The following LRRC69 variants were observed in gnomAD, a reference collection of about 807,000 sequenced individuals.
LRRC69 encodes leucine rich repeat containing 69.
A neutral mutation model predicts 37.8 loss-of-function variants in LRRC69; 42 were observed. The ratio of observed to expected loss-of-function variants is 1.11; its 90% confidence interval spans 0.87 to 1.44. LRRC69 has a LOEUF of 1.44. Among genes scored for constraint, LRRC69 ranks in the 40% most tolerant of loss-of-function variants. LRRC69 has a pLI of 0.00. For synonymous variants in LRRC69, 141 were observed against 143.1 expected (o/e 0.99, Z 0.11); for missense variants, 357 against 401.9 (o/e 0.89, Z 0.96).
chr8:91,148,696 C>G (rs1265529964), intron 5 of LRRC69, among the ~76,000 whole-genome samples: 2 of 151,976 alleles, frequency 1.3e-5, no homozygotes, highest in South Asian at 4.1e-4. Context: ...TACAGTCCCA[C>G]CAACAGTGTA....
chr8:91,166,994 G>A (rs1809041837), intron 5 of LRRC69, among the ~76,000 whole-genome samples: 1 of 151,666 alleles, frequency 6.6e-6, no homozygotes. Context: ...ACAGTTTTTA[G>A]TTACAGTTTT....
intron 5 of LRRC69, among the ~76,000 whole-genome samples, chr8:91,156,827 CT>C (rs1297733986): frequency 2.0e-5 from 3 of 150,890 alleles, no homozygotes; most frequent in Non-Finnish European, 4.4e-5. Flanking sequence ...TAGTTTCAAT[CT>C]TCTGTGTATG....
At chr8:91,135,508 T>TG (rs973056693) in intron 4 of LRRC69, among the ~76,000 whole-genome samples, 160 bp from the exon 5 acceptor site, 4 of 151,960 alleles carry the variant, frequency 2.6e-5, no homozygotes, top group Non-Finnish European at 5.9e-5. Flanking sequence ...GTCCAGGATA[T>TG]GGGGGTCTGC....
chr8:91,183,179 A>G (rs1303252762), intron 5 of LRRC69, among the ~76,000 whole-genome samples: 1 of 152,198 alleles, frequency 6.6e-6, no homozygotes, highest in East Asian at 1.9e-4. Context: ...AACTTTAAGG[A>G]CAATGGAAAT....
intron 7 of LRRC69, among the ~76,000 whole-genome samples, chr8:91,207,595 T>G (rs1246618690): frequency 6.6e-6 from 1 of 152,228 alleles, no homozygotes; most frequent in Non-Finnish European, 1.5e-5. Context: ...TAAGAGGCAT[T>G]TCTTAGAAAT....
chr8:91,119,802 T>C (rs1347758133), intron 1 of LRRC69, among the ~76,000 whole-genome samples: 1 of 151,994 alleles, frequency 6.6e-6, no homozygotes, highest in African/African-American at 2.4e-5. Flanking sequence ...CATCACGAAT[T>C]CATCTACTTA....
chr8:91,212,232 C>A (rs1414133840), intron 7 of LRRC69, among the ~76,000 whole-genome samples: 5 of 152,082 alleles, frequency 3.3e-5, no homozygotes, highest in African/African-American at 4.8e-5. Flanking sequence ...TGACTTAGAC[C>A]TAACCTAAAT....
intron 5 of LRRC69, among the ~76,000 whole-genome samples, chr8:91,178,765 A>C (rs1300033901): frequency 6.6e-6 from 1 of 152,216 alleles, no homozygotes; most frequent in Non-Finnish European, 1.5e-5. Context: ...GGACCTTAGG[A>C]ACTGGCTTCT....
chr8:91,120,973 T>G (rs917410643), intron 1 of LRRC69, among the ~76,000 whole-genome samples: 1 of 152,024 alleles, frequency 6.6e-6, no homozygotes, highest in African/African-American at 2.4e-5. Flanking sequence ...GGGATAAAAC[T>G]AAACTCTTGA....
At position 91,113,546 on chromosome 8, in the gene LRRC69, T is replaced by C. The variant is rs1813447980; in HGVS notation, c.183+10702T>C. 2.6e-5 allele frequency among the ~76,000 whole-genome samples: 4 copies of C among 152,022 alleles called. 1 individual carries two copies. Among genetic ancestry groups the C allele is most frequent in the Admixed American group, 2.6e-4 (4 of 15,248 alleles). On this transcript the variant is annotated intron_variant, in intron 1 of 7. Transcript: ENST00000448384. ...TAAATTGGACCCTTATCTCATATGG[T>C]ATACAAAAATCAACTTAAAATGGAT...
chr8:91,139,282 C>G (rs1209707341), intron 5 of LRRC69: 1 of 151,816 alleles, frequency 6.6e-6, no homozygotes, highest in Non-Finnish European at 1.5e-5. Context: ...TGGCTCACGC[C>G]TGTAATCCCA....
intron 6 of LRRC69, among the ~76,000 whole-genome samples, chr8:91,194,441 C>A (rs1286742132): frequency 6.6e-6 from 1 of 151,992 alleles, no homozygotes; most frequent in Non-Finnish European, 1.5e-5. Flanking sequence ...CCTCCTTGTA[C>A]CTCTGGTAGA....
chr8:91,125,459 G>A (rs1474637583), intron 2 of LRRC69, among the ~76,000 whole-genome samples: 2 of 151,744 alleles, frequency 1.3e-5, no homozygotes, highest in African/African-American at 4.8e-5. Context: ...CTTAGGTCAT[G>A]TATCTTGGAA....
At chr8:91,188,850 T>C (rs35003817) in intron 5 of LRRC69, among the ~76,000 whole-genome samples, 10,846 of 151,382 alleles carry the variant, frequency 0.072, 401 homozygotes, top group Middle Eastern at 0.17. Context: ...TTTTTTTTTT[T>C]CCCCTCACTC....
intron 4 of LRRC69, 139 bp from the exon 5 acceptor site, chr8:91,135,528 TG>T: frequency 2.0e-6 from 1 of 496,588 alleles, no homozygotes. Flanking sequence ...CTCGGGAAGA[TG>T]TGCTGAAGAA....
At chr8:91,110,801 C>T (rs1240419757) in intron 1 of LRRC69, among the ~76,000 whole-genome samples, 2 of 151,932 alleles carry the variant, frequency 1.3e-5, no homozygotes, top group South Asian at 2.1e-4. Context: ...TCTAGGCCTA[C>T]ATATGATATG....
chr8:91,153,608 A>G (rs1344880001), intron 5 of LRRC69, among the ~76,000 whole-genome samples: 1 of 151,992 alleles, frequency 6.6e-6, no homozygotes, highest in East Asian at 1.9e-4. Flanking sequence ...CTGCTCCTGA[A>G]TGACTCCTGA....
chr8:91,159,116 C>A (rs1187282988), intron 5 of LRRC69, among the ~76,000 whole-genome samples: 2 of 151,198 alleles, frequency 1.3e-5, no homozygotes, highest in African/African-American at 4.8e-5. Context: ...GAAATGTTTT[C>A]AATCATTGCC....
At chr8:91,148,717 T>C (rs2130541569) in intron 5 of LRRC69, among the ~76,000 whole-genome samples, 1 of 152,124 alleles carries the variant, frequency 6.6e-6, no homozygotes, top group East Asian at 1.9e-4. Flanking sequence ...AAAGCGTTCC[T>C]ATTTCTCCAC....
Sources: gnomAD v4.1 joint callset for allele counts (sites outside exome capture counted in the v4.1 genomes callset) on GRCh38, gnomAD v4.1.1 for gene constraint, MANE v1.5 for transcripts, NCBI Gene and HGNC (gene_info 2026-07-23, HGNC 2026-07-21) for gene names.